NRXN3: variants seen among roughly 807,000 people sequenced by gnomAD.
NRXN3 encodes neurexin III.
NRXN3 carries 32 observed loss-of-function variants against 137.6 expected under a neutral mutation model. That is an observed-to-expected ratio of 0.23 (90% CI 0.18 to 0.31). The LOEUF is 0.31. Among genes scored for constraint, NRXN3 ranks in the 10% least tolerant of loss-of-function variants. The pLI, the probability that NRXN3 is intolerant of heterozygous loss-of-function variation, is 1.00. For synonymous variants in NRXN3, 798 were observed against 784.5 expected, an observed-to-expected ratio of 1.02 and a Z score of -0.29; for missense variants, 1,574 against 2,062.5, an observed-to-expected ratio of 0.76 and a Z score of 4.59.
Position 79,165,983 on chromosome 14 carries a change from A to G in NRXN3, c.3262+177842A>G, listed in dbSNP as rs73325806. 8.2e-3 allele frequency among the ~76,000 whole-genome samples: 1,241 copies of G among 152,116 alleles called. 11 individuals are homozygous for G. The highest frequency in any genetic ancestry group is 0.028 in the African/African-American group (1,159 of 41,534). On this transcript the variant is annotated intron_variant, in intron 15 of 20. Transcript: ENST00000335750. ...AAATGATTTACAAATGGCCATCACA[A>G]TGCAACTGGGGATCAGGAAGAGAAT... is the stretch of plus-strand genomic sequence containing the variant.
chr14:79,186,234 C>T (rs536753040), intron 15 of NRXN3, among the ~76,000 whole-genome samples: 22 of 139,178 alleles, frequency 1.6e-4, no homozygotes, highest in South Asian at 9.9e-4. Context: ...CAAATCGTGA[C>T]GTCAAGGGTG....
chr14:79,001,825 C>T (rs1411565456), intron 15 of NRXN3, among the ~76,000 whole-genome samples: 1 of 152,138 alleles, frequency 6.6e-6, no homozygotes, highest in East Asian at 1.9e-4. Flanking sequence ...CTATGGAAGT[C>T]TCACAACAGT....
At chr14:78,775,387 T>TA (rs1258974750) in intron 8 of NRXN3, among the ~76,000 whole-genome samples, 1 of 152,208 alleles carries the variant, frequency 6.6e-6, no homozygotes. Flanking sequence ...CTGTGGCCCA[T>TA]AGGGCACATG....
At chr14:79,215,139 C>T (rs984876442) in intron 15 of NRXN3, among the ~76,000 whole-genome samples, 1 of 152,080 alleles carries the variant, frequency 6.6e-6, no homozygotes, top group East Asian at 1.9e-4. Flanking sequence ...AAAGTATTCT[C>T]CTGTATTAAG....
chr14:79,188,778 AT>A (rs1262340021), intron 15 of NRXN3, among the ~76,000 whole-genome samples: 2 of 152,236 alleles, frequency 1.3e-5, no homozygotes, highest in Admixed American at 1.3e-4. Flanking sequence ...CAAAAAACAC[AT>A]GAAAAAGTGC....
At chr14:79,661,420 C>A (rs1226677824) in intron 16 of NRXN3, among the ~76,000 whole-genome samples, 1 of 152,152 alleles carries the variant, frequency 6.6e-6, no homozygotes, top group Non-Finnish European at 1.5e-5. Flanking sequence ...AAGATCAAGA[C>A]TTCTGCATGA....
chr14:78,382,059 A>T (rs1488634112), intron 4 of NRXN3, among the ~76,000 whole-genome samples: 3 of 152,132 alleles, frequency 2.0e-5, no homozygotes, highest in Non-Finnish European at 2.9e-5. Flanking sequence ...GTTTCACAAG[A>T]TGTTACTACT....
Position 79,830,632 on chromosome 14 carries a change from C to T in NRXN3, c.4093+25442C>T, listed in dbSNP as rs190531224. On this transcript the variant is annotated intron_variant, in intron 20 of 20. Transcript: ENST00000335750. ...ACCAGCCAGGATTATGGAAAAGAAG[C>T]CTTGGCATACTATTCAATGGCACCG... Among the ~76,000 whole-genome samples the T allele has an allele frequency of 5.1e-4, 77 of 152,268 alleles. No homozygotes were observed. In the Middle Eastern group the frequency reaches 0.014, roughly 27 times the overall value.
At chr14:78,678,199 G>C (rs2098030126) in intron 6 of NRXN3, among the ~76,000 whole-genome samples, 1 of 151,888 alleles carries the variant, frequency 6.6e-6, no homozygotes. Context: ...TTATATAAAT[G>C]GTATCATACT....
At chr14:78,253,728 A>G (rs1202762656) in intron 2 of NRXN3, among the ~76,000 whole-genome samples, 1 of 152,130 alleles carries the variant, frequency 6.6e-6, no homozygotes, top group East Asian at 1.9e-4. Flanking sequence ...GGGGACTTCA[A>G]AAGTCATTGG....
chr14:79,272,958 G>T (rs924884632), intron 15 of NRXN3, among the ~76,000 whole-genome samples: 1 of 152,024 alleles, frequency 6.6e-6, no homozygotes, highest in Non-Finnish European at 1.5e-5. Context: ...GGATCACGAG[G>T]TCAGGAGATG....
intron 2 of NRXN3, among the ~76,000 whole-genome samples, chr14:78,261,354 A>G (rs1427495283): frequency 1.3e-5 from 2 of 152,196 alleles, no homozygotes; most frequent in Non-Finnish European, 1.5e-5. Context: ...AAAGAGAAAC[A>G]TACAAGCTGC....
chr14:79,111,438 C>T (rs1335515880), intron 15 of NRXN3, among the ~76,000 whole-genome samples: 4 of 152,114 alleles, frequency 2.6e-5, no homozygotes, highest in Non-Finnish European at 5.9e-5. Context: ...TCTCTCCCTG[C>T]TTAAAGTTTA....
intron 15 of NRXN3, among the ~76,000 whole-genome samples, chr14:79,216,360 C>A (rs759329020): frequency 6.6e-6 from 1 of 152,174 alleles, no homozygotes; most frequent in Non-Finnish European, 1.5e-5. Flanking sequence ...CCTCTGGAGG[C>A]ACACAGTTAC....
intron 10 of NRXN3, among the ~76,000 whole-genome samples, chr14:78,910,257 C>T (rs2099233181): frequency 6.6e-6 from 1 of 152,148 alleles, no homozygotes; most frequent in Non-Finnish European, 1.5e-5. Context: ...TATACTCTGC[C>T]TCCACCTCTC....
At chr14:78,477,127 A>G (rs2095393905) in intron 4 of NRXN3, among the ~76,000 whole-genome samples, 1 of 152,192 alleles carries the variant, frequency 6.6e-6, no homozygotes, top group African/African-American at 2.4e-5. Context: ...TGTCTCTGGG[A>G]AGGGAAGCAA....
rs147415216 is a variant in NRXN3, at chr14:79,813,923, G to A, written c.4093+8733G>A. On this transcript the variant is annotated intron_variant, in intron 20 of 20. Transcript: ENST00000335750. ...ATGGCATAAAAAGAATTTTATTGCA[G>A]ATATAGAATATTTGTTGTATCTTTT... 1.1e-3 allele frequency among the ~76,000 whole-genome samples: 164 copies of A among 152,334 alleles called. 2 individuals carry two copies. The highest frequency in any genetic ancestry group is 1.7e-3 in the African/African-American group (71 of 41,578).
chr14:79,198,442 A>G (rs2065438220), intron 15 of NRXN3, among the ~76,000 whole-genome samples: 2 of 152,214 alleles, frequency 1.3e-5, no homozygotes, highest in South Asian at 2.1e-4. Flanking sequence ...TTATACCACT[A>G]GGAGAATTTC....
chr14:79,212,587 C>T (rs1204875048), intron 15 of NRXN3, among the ~76,000 whole-genome samples: 1 of 152,128 alleles, frequency 6.6e-6, no homozygotes. Context: ...TACTTTATAC[C>T]TGTTGTTTTA....
Sources: allele counts gnomAD v4.1 joint callset (sites outside exome capture counted in the v4.1 genomes callset), GRCh38; gene constraint gnomAD v4.1.1; transcripts MANE v1.5; gene names NCBI Gene and HGNC (gene_info 2026-07-23, HGNC 2026-07-21).